Variants in CCSER2 observed in about 807,000 individuals in gnomAD.
The protein encoded by CCSER2 is serine-rich coiled-coil domain-containing protein 2.
In CCSER2, 46 loss-of-function variants were observed where a neutral mutation model predicts 92.3. The observed-to-expected ratio is 0.50, with a 90% CI of 0.39 to 0.64. The LOEUF (loss-of-function observed/expected upper bound fraction) is 0.64, where lower values mean the gene tolerates loss of function less well. Among genes scored for constraint, CCSER2 ranks in the 30% least tolerant of loss-of-function variants. The probability of loss-of-function intolerance (pLI) is 0.00; values close to 1 mark genes in which losing one functional copy is unlikely to be tolerated. For synonymous variants in CCSER2, 433 were observed against 431.4 expected (o/e 1.00, Z -0.04); for missense variants, 1,244 against 1,238.9 (o/e 1.00, Z -0.06).
intron 3 of CCSER2, among the ~76,000 whole-genome samples, chr10:84,409,468 T>A (rs1842538920): frequency 6.6e-6 from 1 of 152,186 alleles, no homozygotes; most frequent in South Asian, 2.1e-4. Flanking sequence ...AAAGTTAATC[T>A]GTATTTTGGT....
intron 3 of CCSER2, among the ~76,000 whole-genome samples, chr10:84,386,347 A>G (rs1841202567): frequency 6.6e-6 from 1 of 152,274 alleles, no homozygotes; most frequent in African/African-American, 2.4e-5. Flanking sequence ...AATCAACTTA[A>G]GTGTCCATTA....
intron 3 of CCSER2, among the ~76,000 whole-genome samples, chr10:84,397,900 T>C (rs1487643064): frequency 6.6e-6 from 1 of 152,172 alleles, no homozygotes; most frequent in Admixed American, 6.5e-5. Flanking sequence ...AGAAAGTGAA[T>C]GCAGTAAGTA....
intron 9 of CCSER2, among the ~76,000 whole-genome samples, chr10:84,492,895 G>T (rs1487867986): frequency 1.3e-5 from 2 of 152,008 alleles, no homozygotes; most frequent in African/African-American, 4.8e-5. Flanking sequence ...GTATTCTGGG[G>T]GTTAATGCTT....
intron 1 of CCSER2, among the ~76,000 whole-genome samples, chr10:84,357,397 C>T (rs1342592536): frequency 6.6e-6 from 1 of 151,904 alleles, no homozygotes; most frequent in African/African-American, 2.4e-5. Context: ...ATTGGACTTG[C>T]TTCCCAGTGT....
chr10:84,333,372 G>A (rs1843678283), intron 1 of CCSER2, among the ~76,000 whole-genome samples: 2 of 151,982 alleles, frequency 1.3e-5, no homozygotes, highest in African/African-American at 2.4e-5. Flanking sequence ...AGCAACCCTA[G>A]GAGGTAGGTT....
rs1462981204 is a variant in CCSER2 at position 84,346,778 on chromosome 10, T to TATA, written c.-40+17970_-40+17971insATA. ...TTTTTTTTTATATATATATATATAT[T>TATA]TATTTATTTATTTGTTTATTTTATT... is the stretch of plus-strand genomic sequence containing the variant. On this transcript the variant is annotated intron_variant, in intron 1 of 9. Coordinates refer to ENST00000372088, the MANE Select transcript of CCSER2 (RefSeq NM_001284240.2). 2.8e-3 allele frequency among the ~76,000 whole-genome samples: 415 copies of TATA among 145,744 alleles called. 3 individuals are homozygous for TATA. Among genetic ancestry groups the TATA allele is most frequent in the Middle Eastern group, 0.014 (4 of 276 alleles).
At chr10:84,335,573 T>G (rs1331892481) in intron 1 of CCSER2, among the ~76,000 whole-genome samples, 1 of 152,036 alleles carries the variant, frequency 6.6e-6, no homozygotes, top group Non-Finnish European at 1.5e-5. Context: ...AAAATTAAAT[T>G]CCAGTCCTGT....
intron 9 of CCSER2, chr10:84,499,811 T>TG: frequency 6.6e-7 from 1 of 1,509,412 alleles, no homozygotes; most frequent in South Asian, 1.1e-5. Flanking sequence ...AAGTATGACT[T>TG]GGTTTCTCTA....
intron 9 of CCSER2, 63 bp from the exon 10 acceptor site, chr10:84,513,386 T>C (rs1849467009): frequency 1.6e-6 from 2 of 1,234,526 alleles, no homozygotes; most frequent in Admixed American, 2.3e-5. Flanking sequence ...TAATTGGTAT[T>C]TATATTAAAT....
At chr10:84,368,815 T>C (rs1282532623) in intron 1 of CCSER2, among the ~76,000 whole-genome samples, 1 of 152,132 alleles carries the variant, frequency 6.6e-6, no homozygotes. Context: ...TTGTGTAGTT[T>C]TTAAAAAATC....
chr10:84,493,025 G>A (rs768289457), intron 9 of CCSER2, among the ~76,000 whole-genome samples: 8 of 152,178 alleles, frequency 5.3e-5, no homozygotes, highest in Non-Finnish European at 1.0e-4. Flanking sequence ...AAGAGATAGT[G>A]TAGAATTAAT....
chr10:84,352,612 G>A (rs775307670), intron 1 of CCSER2, among the ~76,000 whole-genome samples: 1 of 151,896 alleles, frequency 6.6e-6, no homozygotes, highest in Non-Finnish European at 1.5e-5. Context: ...CACTGCCGCC[G>A]CCACCACCTC....
intron 8 of CCSER2, 57 bp from the exon 9 acceptor site, chr10:84,477,518 G>A: frequency 1.1e-6 from 1 of 873,116 alleles, no homozygotes; most frequent in East Asian, 2.5e-5. Flanking sequence ...TCTCTTGTGT[G>A]TCTTGGTGTG....
At chr10:84,467,637 C>T (rs1846528398) in intron 7 of CCSER2, among the ~76,000 whole-genome samples, 1 of 152,124 alleles carries the variant, frequency 6.6e-6, no homozygotes, top group Non-Finnish European at 1.5e-5. Flanking sequence ...ATCATGTCCC[C>T]ACCTCCCCCC....
chr10:84,481,933 T>G (rs1847483011), intron 9 of CCSER2, among the ~76,000 whole-genome samples: 1 of 152,182 alleles, frequency 6.6e-6, no homozygotes, highest in Non-Finnish European at 1.5e-5. Context: ...ATGTGACTGT[T>G]GAGCACTTGA....
intron 1 of CCSER2, among the ~76,000 whole-genome samples, chr10:84,360,266 A>G (rs974642938): frequency 2.0e-5 from 3 of 151,900 alleles, no homozygotes; most frequent in Non-Finnish European, 4.4e-5. Flanking sequence ...GGGTGTTTTG[A>G]TATTTAATGG....
At chr10:84,500,246 A>G (rs1271720617) in intron 9 of CCSER2, among the ~76,000 whole-genome samples, 1 of 152,192 alleles carries the variant, frequency 6.6e-6, no homozygotes, top group Non-Finnish European at 1.5e-5. Flanking sequence ...TCTGTCTTTA[A>G]TGCATTTTCA....
At chr10:84,459,762 G>A (rs1006668444) in intron 6 of CCSER2, among the ~76,000 whole-genome samples, 3 of 152,106 alleles carry the variant, frequency 2.0e-5, no homozygotes, top group African/African-American at 4.8e-5. Flanking sequence ...GGGCTCAAGC[G>A]ACCTGCCCCT....
chr10:84,359,241 T>C (rs1244788134), intron 1 of CCSER2, among the ~76,000 whole-genome samples: 1 of 152,178 alleles, frequency 6.6e-6, no homozygotes, highest in East Asian at 1.9e-4. Context: ...AGTTGTGGAA[T>C]TGGGAGGGGA....
Sources: allele counts gnomAD v4.1 joint callset (sites outside exome capture counted in the v4.1 genomes callset), GRCh38; gene constraint gnomAD v4.1.1; transcripts MANE v1.5; gene names NCBI Gene and HGNC (gene_info 2026-07-23, HGNC 2026-07-21).